Variants in BLM observed in about 807,000 individuals in gnomAD.
The protein encoded by BLM is BLM RecQ like helicase.
A neutral mutation model predicts 135.3 loss-of-function variants in BLM; 95 were observed. The ratio of observed to expected loss-of-function variants is 0.70; its 90% CI spans 0.59 to 0.83. The LOEUF is 0.83. BLM is among the 40% of genes least tolerant of loss of function. BLM has a pLI of 0.00. For missense variants in BLM, 1,518 were observed against 1,663.9 expected (o/e 0.91, Z 1.53); for synonymous variants, 520 against 589.2 (o/e 0.88, Z 1.70).
In BLM at chr15:90,784,970, G is replaced by GGCT. The variant is rs1358078459; in HGVS notation, c.2714_2716dup (p.Ala905dup). ...TCTCCAGGCGAGAATGTGACACCAT[G>GGCT]GCTGACACGTTACAGAGAGATGGGC... On this transcript the variant is annotated inframe_insertion, in exon 14 of 22. Transcript: ENST00000355112. The GGCT allele has an allele frequency of 1.2e-6, 2 of 1,614,032 alleles. No homozygotes were observed. Among genetic ancestry groups the GGCT allele is most frequent in the Non-Finnish European group, 1.7e-6 (2 of 1,180,036 alleles).
intron 9 of BLM, among the ~76,000 whole-genome samples, chr15:90,765,947 C>T (rs1896113852): frequency 6.6e-6 from 1 of 152,104 alleles, no homozygotes; most frequent in Non-Finnish European, 1.5e-5. Flanking sequence ...ACTTTCTCTA[C>T]AGAAAAATAA....
chr15:90,789,996 T>G (rs886699461), intron 14 of BLM, among the ~76,000 whole-genome samples: 47 of 63,932 alleles, frequency 7.4e-4, no homozygotes, highest in African/African-American at 3.2e-3. Flanking sequence ...TGTTTTTTTT[T>G]TTTTTTTTTT....
At position 90,815,415 on chromosome 15, in the gene BLM, G is replaced by A; in HGVS notation, c.*136G>A. The stretch of plus-strand genomic sequence containing the variant: ...TATTAATATTTAAATAAATGCTGGG[G>A]GGTGATAGTTCTTCTTTTTAAAATA... On this transcript the variant is annotated 3_prime_UTR_variant, in exon 22 of 22. Transcript: ENST00000355112. This position sits in a 1 kb window ranked among gnomAD's most constrained non-coding sequence, Gnocchi z 4.6. The A allele has an allele frequency of 1.1e-6, 1 of 940,308 alleles. No homozygotes were observed. The highest frequency in any genetic ancestry group is 2.6e-5 in the East Asian group (1 of 38,540). 58.2% of individuals were successfully genotyped at this position (940,308 alleles called of 1,614,324 possible). A position where few individuals can be genotyped will look rare whatever the true frequency, so the allele number is the denominator to read the frequency against.
chr15:90,740,532 C>T (rs1895336947), intron 1 of BLM, among the ~76,000 whole-genome samples: 1 of 152,168 alleles, frequency 6.6e-6, no homozygotes, highest in Admixed American at 6.5e-5. Context: ...AATAATGCTC[C>T]TGTGAACAAT....
chr15:90,764,544 T>A (rs144948565), intron 8 of BLM, among the ~76,000 whole-genome samples: 44 of 151,972 alleles, frequency 2.9e-4, no homozygotes, highest in Non-Finnish European at 5.9e-4. Flanking sequence ...AGATGGGATC[T>A]CACTGTGTTG....
intron 5 of BLM, 156 bp from the exon 6 acceptor site, chr15:90,759,991 T>G: frequency 5.1e-6 from 3 of 587,262 alleles, no homozygotes; most frequent in Non-Finnish European, 9.0e-6. Flanking sequence ...GGTCTCACTG[T>G]GTTGCCCAGG....
chr15:90,766,857 AT>A, intron 9 of BLM, 52 bp from the exon 10 acceptor site: 1 of 1,153,750 alleles, frequency 8.7e-7, no homozygotes. Context: ...GACAAATGTA[AT>A]TTTGTCAGGT....
chr15:90,782,209 G>A (rs919172516), intron 12 of BLM, among the ~76,000 whole-genome samples: 23 of 152,142 alleles, frequency 1.5e-4, no homozygotes, highest in Non-Finnish European at 2.8e-4. Flanking sequence ...CCAACATGGT[G>A]AAACTCTGTC....
At chr15:90,803,495 TCTTA>T in intron 17 of BLM, 22 bp from the exon 18 acceptor site, 1 of 1,596,546 alleles carries the variant, frequency 6.3e-7, no homozygotes, top group East Asian at 2.2e-5. Flanking sequence ...CATTTACTCA[TCTTA>T]CTTCCTGTAT....
At chr15:90,788,531 A>G (rs1017357294) in intron 14 of BLM, among the ~76,000 whole-genome samples, 8 of 107,150 alleles carry the variant, frequency 7.5e-5, no homozygotes, top group East Asian at 5.2e-4. Flanking sequence ...AACTTTTTCT[A>G]AAGTTTGCCT....
intron 1 of BLM, among the ~76,000 whole-genome samples, chr15:90,727,050 C>T (rs1230693984): frequency 1.3e-5 from 2 of 152,220 alleles, no homozygotes; most frequent in Non-Finnish European, 2.9e-5. Flanking sequence ...TTCTCACCAT[C>T]AGTGGAAGTG....
rs202009716 is a variant in BLM at position 90,760,213 on chromosome 15, C to A, written c.1154C>A (p.Thr385Asn). The A allele has an allele frequency of 2.5e-5, 41 of 1,613,566 alleles. No individual in the cohort carries two copies. The highest frequency in any genetic ancestry group is 3.4e-5 in the Non-Finnish European group (40 of 1,179,642). The change falls in exon 6 of 22, where the codon ACT (threonine) becomes AAT (asparagine). Residue 385 changes from threonine (T) to asparagine (N), a missense_variant. This residue lies in a region of BLM where 724 missense variants were observed against 756.9 expected (regional missense o/e 0.96). Coordinates refer to ENST00000355112, the MANE Select transcript of BLM (RefSeq NM_000057.4). ...GAGCACATCTGTAAATTAATTGATACTATTCCTGATGATAAACTGAAACTT... is the reference window on the plus strand; with the variant it reads ...GAGCACATCTGTAAATTAATTGATAATATTCCTGATGATAAACTGAAACTT... ...VMEHICKLIDTIPDDKLKLLD... is the reference protein window; with the variant it reads ...VMEHICKLIDNIPDDKLKLLD...
rs752559933 is a variant in BLM, at chr15:90,803,663, G to T, written c.3501G>T (p.Ala1167=). The stretch of plus-strand genomic sequence containing the variant: ...TATATATCAATGCCAATGACCAGGC[G>T]ATCGCTTATGTGATGCTCGGAAATA... The part of the protein sequence containing the change: ...EDLYINANDQ[A]IAYVMLGNKA... The change falls in exon 18 of 22, where the codon GCG becomes GCT. Residue 1167 remains alanine (A), a synonymous_variant. Coordinates refer to ENST00000355112, the MANE Select transcript of BLM (RefSeq NM_000057.4). 6.2e-7 allele frequency: 1 copy of T among 1,613,976 alleles called. No homozygotes were observed. The highest frequency in any genetic ancestry group is 1.3e-5 in the African/African-American group (1 of 74,898).
intron 17 of BLM, among the ~76,000 whole-genome samples, chr15:90,799,626 TAAAAAAAAAAAA>T (rs10600094): frequency 9.2e-6 from 1 of 108,748 alleles, no homozygotes. Context: ...AAGATGCCTG[TAAAAAAAAAAAA>T]AAAAAAAAAA....
chr15:90,739,245 A>G (rs150731142), intron 1 of BLM, among the ~76,000 whole-genome samples: 155 of 152,114 alleles, frequency 1.0e-3, no homozygotes, highest in African/African-American at 3.4e-3. Context: ...AATACAAAAC[A>G]GAAAAATTAG....
intron 13 of BLM, among the ~76,000 whole-genome samples, chr15:90,783,638 G>T (rs192536680): frequency 6.6e-6 from 1 of 152,108 alleles, no homozygotes; most frequent in African/African-American, 2.4e-5. Context: ...TGTGGTTCAC[G>T]CCTGTAATCT....
chr15:90,805,463 C>T (rs958205272), intron 19 of BLM, among the ~76,000 whole-genome samples: 1 of 151,660 alleles, frequency 6.6e-6, no homozygotes, highest in Non-Finnish European at 1.5e-5. Context: ...AAATAATCGG[C>T]ACAAATAATG....
chr15:90,721,479 A>T (rs1894764078), intron 1 of BLM, among the ~76,000 whole-genome samples: 1 of 151,450 alleles, frequency 6.6e-6, no homozygotes, highest in African/African-American at 2.4e-5. Context: ...GGCACCCGCC[A>T]CCACGCCCGG....
In BLM at chr15:90,806,233, G is replaced by A. The variant is rs181499796; in HGVS notation, c.3751+1874G>A. Among the ~76,000 whole-genome samples, 435 of 152,248 alleles carry A rather than the reference G, an allele frequency of 2.9e-3. 5 individuals are homozygous for A. The highest frequency in any genetic ancestry group is 9.9e-3 in the African/African-American group (413 of 41,552). On this transcript the variant is annotated intron_variant, in intron 19 of 21. Transcript: ENST00000355112. Reference sequence around the variant, plus strand: ...ACCAATTGTAATATTGTAATGGGCTGGGGGCCGTGGCTCACGCCTGTAATC... The same window carrying A: ...ACCAATTGTAATATTGTAATGGGCTAGGGGCCGTGGCTCACGCCTGTAATC...
Sources: gnomAD v4.1 joint callset for allele counts (sites outside exome capture counted in the v4.1 genomes callset) on GRCh38, gnomAD v4.1.1 for gene constraint, gnomAD v4.1.1 regional missense constraint, Gnocchi (gnomAD v3.1) non-coding constraint, MANE v1.5 for transcripts, NCBI Gene and HGNC (gene_info 2026-07-23, HGNC 2026-07-21) for gene names.